The following C8orf89 variants were observed in gnomAD, a reference collection of about 807,000 sequenced individuals.
The protein encoded by C8orf89 is chromosome 8 open reading frame 89.
C8orf89 carries 14 observed loss-of-function variants against 15.8 expected under a neutral mutation model. That is an observed-to-expected ratio of 0.89 (90% confidence interval 0.59 to 1.39). The LOEUF is 1.39. C8orf89 is among the 40% of genes most tolerant of loss of function. C8orf89 has a pLI of 0.00. For missense variants in C8orf89, 181 were observed against 184.5 expected, an observed-to-expected ratio of 0.98 and a Z score of 0.11; for synonymous variants, 55 against 62.2, an observed-to-expected ratio of 0.88 and a Z score of 0.54.
intron 2 of C8orf89, among the ~76,000 whole-genome samples, chr8:73,250,967 TA>T (rs201900280): frequency 0.1 from 15,084 of 146,888 alleles, 1,708 homozygotes; most frequent in African/African-American, 0.28. Flanking sequence ...CAAGGCTAAT[TA>T]AAAAAAAAAA....
chr8:73,274,339 G>A, the C8orf89 span, among the ~76,000 whole-genome samples: 5 of 152,212 alleles, frequency 3.3e-5, no homozygotes, highest in Admixed American at 6.5e-5. Flanking sequence ...TTTTAGTAGA[G>A]ATGGGGTTTC....
At chr8:73,271,020 A>C in the C8orf89 span, among the ~76,000 whole-genome samples, 2 of 152,160 alleles carry the variant, frequency 1.3e-5, no homozygotes, top group Non-Finnish European at 2.9e-5. Flanking sequence ...ATGGTGAGTG[A>C]TATATTTACA....
chr8:73,261,538 A>G (rs1420467415), upstream of C8orf89, among the ~76,000 whole-genome samples: 1 of 152,190 alleles, frequency 6.6e-6, no homozygotes, highest in Non-Finnish European at 1.5e-5. Flanking sequence ...GCCCTCCCCA[A>G]GAAGCTACTC....
At chr8:73,272,759 C>G in the C8orf89 span, among the ~76,000 whole-genome samples, 1 of 152,190 alleles carries the variant, frequency 6.6e-6, no homozygotes, top group Non-Finnish European at 1.5e-5. Flanking sequence ...CCAGCTTCAT[C>G]CATGTCCCTA....
chr8:73,275,295 G>A, the C8orf89 span, among the ~76,000 whole-genome samples: 1 of 132,072 alleles, frequency 7.6e-6, no homozygotes, highest in African/African-American at 2.9e-5. Context: ...GGAATGCAGT[G>A]GCTTGATCTC....
At chr8:73,269,835 C>G in the C8orf89 span, among the ~76,000 whole-genome samples, 10 of 152,308 alleles carry the variant, frequency 6.6e-5, no homozygotes, top group African/African-American at 2.2e-4. Context: ...CACTACTCAG[C>G]ACTTGACACA....
intron 2 of C8orf89, among the ~76,000 whole-genome samples, chr8:73,256,355 A>AT (rs1554577171): frequency 6.6e-6 from 1 of 151,252 alleles, no homozygotes; most frequent in South Asian, 2.1e-4. Flanking sequence ...CAGAGAGTTA[A>AT]TTTTTTTTTC....
intron 3 of C8orf89, among the ~76,000 whole-genome samples, chr8:73,243,537 T>G (rs1373989985): frequency 6.6e-6 from 1 of 152,240 alleles, no homozygotes; most frequent in Non-Finnish European, 1.5e-5. Flanking sequence ...CTTTTCTTTT[T>G]TTTGAGATGG....
the C8orf89 span, among the ~76,000 whole-genome samples, chr8:73,275,228 G>GT: frequency 8.5e-6 from 1 of 117,740 alleles, no homozygotes; most frequent in African/African-American, 3.1e-5. Flanking sequence ...ACTTGTAATA[G>GT]TTCTTTTTTT....
chr8:73,254,323 G>T (rs1293345372), intron 2 of C8orf89, among the ~76,000 whole-genome samples: 1 of 151,972 alleles, frequency 6.6e-6, no homozygotes, highest in Non-Finnish European at 1.5e-5. Flanking sequence ...TGTGCTGCTG[G>T]ATTCGTTTTG....
chr8:73,256,863 AAAAAAC>A, intron 2 of C8orf89, 104 bp downstream of exon 2: 5 of 717,008 alleles, frequency 7.0e-6, no homozygotes, highest in Non-Finnish European at 6.0e-6. Flanking sequence ...AAAAAAAAAA[AAAAAAC>A]AGGCAAAAAT....
At chr8:73,276,444 C>G in the C8orf89 span, among the ~76,000 whole-genome samples, 41 of 152,108 alleles carry the variant, frequency 2.7e-4, no homozygotes, top group African/African-American at 9.4e-4. Context: ...TCCCAAAGTG[C>G]TGAGATTACA....
the C8orf89 span, among the ~76,000 whole-genome samples, chr8:73,266,665 A>C: frequency 6.6e-6 from 1 of 152,194 alleles, no homozygotes; most frequent in Non-Finnish European, 1.5e-5. Flanking sequence ...GATTAAGTGA[A>C]AACTCCCAAA....
At position 73,257,019 on chromosome 8, in the gene C8orf89, C is replaced by T; in HGVS notation, c.235G>A (p.Val79Ile). 6.5e-7 allele frequency: 1 copy of T among 1,535,856 alleles called. No homozygotes were observed. Among genetic ancestry groups the T allele is most frequent in the Non-Finnish European group, 8.7e-7 (1 of 1,146,750 alleles). Residue 79 changes from valine to isoleucine, a missense_variant, in exon 2 of 4, where the codon GTT becomes ATT. Physicochemically the swap from Val to Ile is conservative, Grantham distance 29 (BLOSUM62 3). Transcript: ENST00000624510. Reference sequence around the variant, plus strand: ...TCAGCACGTGGCAGTCTTTTAGGAACCTCTAGTGGAGTTGAACTTACACTT... The same window carrying T: ...TCAGCACGTGGCAGTCTTTTAGGAATCTCTAGTGGAGTTGAACTTACACTT... ...QKSVSSTPLE[V>I]PKRLPRADAE...
the C8orf89 span, chr8:73,277,791 C>G: frequency 1.4e-6 from 1 of 733,994 alleles, no homozygotes; most frequent in African/African-American, 1.7e-5. Context: ...ACAGAGGAAA[C>G]AGCCTGGCCT....
the C8orf89 span, among the ~76,000 whole-genome samples, chr8:73,271,930 C>CT: frequency 6.6e-6 from 1 of 152,184 alleles, no homozygotes; most frequent in Non-Finnish European, 1.5e-5. Context: ...ACCATATAAC[C>CT]TAGTACACTG....
Position 73,257,346 on chromosome 8 carries a change from G to A in C8orf89, c.128-220C>T, listed in dbSNP as rs60282041. On this transcript the variant is annotated intron_variant, in intron 1 of 3. Coordinates refer to ENST00000624510, the MANE Select transcript of C8orf89 (RefSeq NM_001243237.3). The stretch of plus-strand genomic sequence containing the variant: ...AAGGGGATGATTAAGAGTGGAATAA[G>A]GAAAAAGAACAGCTTCATGGATCTT... Among the ~76,000 whole-genome samples the A allele has an allele frequency of 5.6e-3, 857 of 152,204 alleles. 12 individuals carry two copies. The highest frequency in any genetic ancestry group is 0.02 in the African/African-American group (816 of 41,528).
the C8orf89 span, among the ~76,000 whole-genome samples, chr8:73,285,895 G>C: frequency 1.3e-5 from 2 of 151,980 alleles, no homozygotes; most frequent in Non-Finnish European, 2.9e-5. Flanking sequence ...TGCGACGCTG[G>C]GCCCGGCCCG....
intron 1 of C8orf89, among the ~76,000 whole-genome samples, chr8:73,258,168 T>C (rs1195373625): frequency 2.0e-5 from 3 of 152,146 alleles, no homozygotes; most frequent in Admixed American, 2.0e-4. Flanking sequence ...TCCCAGCACT[T>C]TGGGAGTCCG....
Sources: gnomAD v4.1 joint callset for allele counts (sites outside exome capture counted in the v4.1 genomes callset) on GRCh38, gnomAD v4.1.1 for gene constraint, MANE v1.5 for transcripts, NCBI Gene and HGNC (gene_info 2026-07-23, HGNC 2026-07-21) for gene names.